HSD3B1: variants seen among roughly 807,000 people sequenced by gnomAD.
HSD3B1 encodes 3 beta-hydroxysteroid dehydrogenase/Delta 5-->4-isomerase type 1.
A neutral mutation model predicts 10.4 loss-of-function variants in HSD3B1; 11 were observed. That is an observed-to-expected ratio of 1.05 (90% CI 0.66 to 1.75). The LOEUF is 1.75. Among genes scored for constraint, HSD3B1 ranks in the 40% most tolerant of loss-of-function variants. The pLI is 0.00. For missense variants in HSD3B1, 490 were observed against 454.5 expected, an observed-to-expected ratio of 1.08 and a Z score of -0.71; for synonymous variants, 217 against 185.4, an observed-to-expected ratio of 1.17 and a Z score of -1.39.
chr1:119,508,414 A>G (rs976011987), intron 2 of HSD3B1, among the ~76,000 whole-genome samples: 9 of 152,076 alleles, frequency 5.9e-5, no homozygotes, highest in African/African-American at 2.2e-4. Flanking sequence ...CTCATCATCA[A>G]AAAGAAATTG....
intron 3 of HSD3B1, among the ~76,000 whole-genome samples, chr1:119,513,192 C>G (rs2101463197): frequency 2.0e-5 from 3 of 152,312 alleles, no homozygotes; most frequent in Admixed American, 2.0e-4. Context: ...GCAGCTTTCC[C>G]AGGGAATGCA....
chr1:119,507,575 G>A lies in HSD3B1; in HGVS notation c.99G>A (p.Arg33=), dbSNP rs767960348. 1.9e-5 allele frequency: 30 copies of A among 1,613,868 alleles called. No homozygotes were observed. Among genetic ancestry groups the A allele is most frequent in the Non-Finnish European group, 2.5e-5 (29 of 1,179,936 alleles). Residue 33 remains arginine, a synonymous_variant, in exon 2 of 4, where the codon AGG becomes AGA. Coordinates refer to ENST00000369413, the MANE Select transcript of HSD3B1 (RefSeq NM_000862.3). Reference sequence around the variant, plus strand: ...AGGAGAAGGAGCTGAAGGAGATCAGGGTCTTGGACAAGGCCTTCGGACCAG... The same window carrying A: ...AGGAGAAGGAGCTGAAGGAGATCAGAGTCTTGGACAAGGCCTTCGGACCAG... The part of the protein sequence containing the change: ...LVKEKELKEI[R]VLDKAFGPEL...
chr1:119,510,732 T>TTTTC (rs1653911677), intron 2 of HSD3B1, among the ~76,000 whole-genome samples: 2 of 76,420 alleles, frequency 2.6e-5, no homozygotes, highest in Non-Finnish European at 4.4e-5. Context: ...TTTTTTTTTT[T>TTTTC]TTTTTTTTTT....
rs1422885733 is a variant in HSD3B1, at chr1:119,507,524, A to G, written c.48A>G (p.Gly16=). The part of the protein sequence containing the change: ...CLVTGAGGFL[G]QRIIRLLVKE... Reference sequence around the variant, plus strand: ...TGACAGGAGCAGGAGGGTTTCTGGGACAGAGGATCATCCGCCTCTTGGTGA... The same window carrying G: ...TGACAGGAGCAGGAGGGTTTCTGGGGCAGAGGATCATCCGCCTCTTGGTGA... Residue 16 remains glycine, a synonymous_variant, in exon 2 of 4, where the codon GGA becomes GGG. Coordinates refer to ENST00000369413, the MANE Select transcript of HSD3B1 (RefSeq NM_000862.3). 2 of 1,613,920 alleles carry G rather than the reference A, an allele frequency of 1.2e-6. No homozygotes were observed. The highest frequency in any genetic ancestry group is 1.7e-6 in the Non-Finnish European group (2 of 1,179,902).
At position 119,511,543 on chromosome 1, in the gene HSD3B1, C is replaced by T; in HGVS notation, c.186C>T (p.Asp62=). 1 of 1,613,770 alleles carries T rather than the reference C, an allele frequency of 6.2e-7. No homozygotes were observed. The highest frequency in any genetic ancestry group is 1.3e-5 in the African/African-American group (1 of 75,018). The change falls in exon 3 of 4, where the codon GAC becomes GAT. Residue 62 remains aspartate (D), a synonymous_variant. Coordinates refer to ENST00000369413, the MANE Select transcript of HSD3B1 (RefSeq NM_000862.3). ...CCAAGCTGACAGTGCTGGAAGGAGA[C>T]ATTCTGGATGAGCCATTCCTGAAGA... The part of the protein sequence containing the change: ...NKTKLTVLEG[D]ILDEPFLKRA...
At chr1:119,513,578 C>T (rs1337501558) in intron 3 of HSD3B1, among the ~76,000 whole-genome samples, 1 of 152,140 alleles carries the variant, frequency 6.6e-6, no homozygotes, top group East Asian at 1.9e-4. Flanking sequence ...AAAGTACACA[C>T]ACACACACAT....
intron 2 of HSD3B1, among the ~76,000 whole-genome samples, chr1:119,510,335 T>C (rs1255671890): frequency 2.0e-5 from 3 of 152,180 alleles, no homozygotes; most frequent in Admixed American, 6.5e-5. Context: ...TGATAATAGT[T>C]TTCCAGGGAA....
chr1:119,513,978 C>T lies in HSD3B1; in HGVS notation c.455C>T (p.Pro152Leu). The change falls in exon 4 of 4, where the codon CCC becomes CTC. Residue 152 changes from proline (P) to leucine (L), a missense_variant. Transcript: ENST00000369413. ...GAAGAGCCTCTGGAAAACACATGGCCCGCTCCATACCCACACAGCAAAAAG... is the reference window on the plus strand; with the variant it reads ...GAAGAGCCTCTGGAAAACACATGGCTCGCTCCATACCCACACAGCAAAAAG... The part of the protein sequence containing the change: ...HEEEPLENTW[P>L]APYPHSKKLA... The T allele has an allele frequency of 1.2e-6, 2 of 1,614,050 alleles. No individual in the cohort carries two copies. Among genetic ancestry groups the T allele is most frequent in the Middle Eastern group, 1.7e-4 (1 of 6,060 alleles).
intron 2 of HSD3B1, 26 bp from the exon 3 acceptor site, chr1:119,511,477 C>T (rs369343236): frequency 1.9e-6 from 3 of 1,612,728 alleles, no homozygotes; most frequent in Non-Finnish European, 8.5e-7. Flanking sequence ...GAAATCATTC[C>T]AATGACCTGA....
chr1:119,512,518 T>G (rs1653965949), intron 3 of HSD3B1, among the ~76,000 whole-genome samples: 1 of 151,988 alleles, frequency 6.6e-6, no homozygotes, highest in Non-Finnish European at 1.5e-5. Flanking sequence ...CCCTCCGCAT[T>G]TAGTCTACTC....
intron 3 of HSD3B1, 61 bp from the exon 4 acceptor site, chr1:119,513,773 T>A (rs1014574920): frequency 6.6e-7 from 1 of 1,512,936 alleles, no homozygotes; most frequent in African/African-American, 1.4e-5. Flanking sequence ...TAGATCTGTG[T>A]TCGTGGTTGG....
chr1:119,514,464 C>T lies in HSD3B1; in HGVS notation c.941C>T (p.Pro314Leu), dbSNP rs1403516656. 6 of 1,614,096 alleles carry T rather than the reference C, an allele frequency of 3.7e-6. No individual in the cohort carries two copies. The highest frequency in any genetic ancestry group is 5.1e-6 in the Non-Finnish European group (6 of 1,180,014). The change falls in exon 4 of 4, where the codon CCC becomes CTC. Residue 314 changes from proline to leucine, a missense_variant. By Grantham distance (98) the Pro-to-Leu change is moderately conservative. Transcript: ENST00000369413. ...AGGCCAATTTACACCTATCGACCGC[C>T]CTTCAACCGCCACATAGTCACATTG... ...LLRPIYTYRP[P>L]FNRHIVTLSN...
chr1:119,507,720 C>G, intron 2 of HSD3B1, 99 bp downstream of exon 2: 3 of 1,279,508 alleles, frequency 2.3e-6, no homozygotes. Context: ...AAATTTGTAG[C>G]CAAATCTAAG....
rs766738324 is a variant in HSD3B1 at position 119,507,560 on chromosome 1, G to A, written c.84G>A (p.Glu28=). ...RIIRLLVKEK[E]LKEIRVLDKA... Reference sequence around the variant, plus strand: ...TCCGCCTCTTGGTGAAGGAGAAGGAGCTGAAGGAGATCAGGGTCTTGGACA... The same window carrying A: ...TCCGCCTCTTGGTGAAGGAGAAGGAACTGAAGGAGATCAGGGTCTTGGACA... Residue 28 remains glutamate, a synonymous_variant, in exon 2 of 4, where the codon GAG becomes GAA. Coordinates refer to ENST00000369413, the MANE Select transcript of HSD3B1 (RefSeq NM_000862.3). 5 of 1,613,916 alleles carry A rather than the reference G, an allele frequency of 3.1e-6. No homozygotes were observed. In the Admixed American group the frequency reaches 6.7e-5, roughly 22 times the overall value.
At position 119,514,252 on chromosome 1, in the gene HSD3B1, C is replaced by G; in HGVS notation, c.729C>G (p.Pro243=). The G allele has an allele frequency of 6.2e-7, 1 of 1,614,086 alleles. No homozygotes were observed. The highest frequency in any genetic ancestry group is 1.7e-5 in the Admixed American group (1 of 60,016). ...HILALRALQD[P]KKAPSIRGQF... ...TGGCCTTGAGGGCCCTGCAGGACCC[C>G]AAGAAGGCCCCAAGCATCCGAGGAC... The change falls in exon 4 of 4, where the codon CCC becomes CCG. Residue 243 remains proline (P), a synonymous_variant. Coordinates refer to ENST00000369413, the MANE Select transcript of HSD3B1 (RefSeq NM_000862.3).
chr1:119,510,719 T>TC (rs1653910994), intron 2 of HSD3B1, among the ~76,000 whole-genome samples: 1 of 56,068 alleles, frequency 1.8e-5, no homozygotes, highest in Non-Finnish European at 2.9e-5. Flanking sequence ...GTGGTTTTCT[T>TC]TTTTTTTTTT....
At position 119,507,456 on chromosome 1, in the gene HSD3B1, T is replaced by A. The variant is rs1212247418; in HGVS notation, c.-21T>A. 1 of 1,613,294 alleles carries A rather than the reference T, an allele frequency of 6.2e-7. No homozygotes were observed. Among genetic ancestry groups the A allele is most frequent in the South Asian group, 1.1e-5 (1 of 91,044 alleles). On this transcript the variant is annotated 5_prime_UTR_variant, in exon 2 of 4. Transcript: ENST00000369413. ...GCATCTTCTGTTTCCTGGTGAGTGA[T>A]TCCTGCTACTTTGGATGGCCATGAC... is the stretch of plus-strand genomic sequence containing the variant.
intron 2 of HSD3B1, 105 bp from the exon 3 acceptor site, chr1:119,511,398 C>T: frequency 9.0e-7 from 1 of 1,116,592 alleles, no homozygotes; most frequent in African/African-American, 1.5e-5. Context: ...CACTCTAACA[C>T]CCTACTCTAA....
intron 2 of HSD3B1, among the ~76,000 whole-genome samples, chr1:119,508,256 G>C (rs929527940): frequency 1.3e-5 from 2 of 151,518 alleles, no homozygotes; most frequent in African/African-American, 4.9e-5. Flanking sequence ...GTGAGAGAGA[G>C]AGCATCAGTG....
Sources: allele counts gnomAD v4.1 joint callset (sites outside exome capture counted in the v4.1 genomes callset), GRCh38; gene constraint gnomAD v4.1.1; transcripts MANE v1.5; gene names NCBI Gene and HGNC (gene_info 2026-07-23, HGNC 2026-07-21).